SLIT3: variants seen among roughly 807,000 people sequenced by gnomAD.
SLIT3 encodes the protein slit guidance ligand 3.
Under a neutral mutation model 184.0 loss-of-function variants are expected in SLIT3, and 68 were observed. The observed-to-expected ratio is 0.37, with a 90% confidence interval of 0.30 to 0.45. The LOEUF is 0.45. Ranked by LOEUF, SLIT3 falls within the 20% of genes least tolerant of loss-of-function variation. The pLI is 1.00. For missense variants in SLIT3, 1,707 were observed against 2,026.0 expected, an observed-to-expected ratio of 0.84 and a Z score of 3.02; for synonymous variants, 831 against 828.6, an observed-to-expected ratio of 1.00 and a Z score of -0.05.
At chr5:169,179,463 T>A (rs1251623800) in intron 4 of SLIT3, among the ~76,000 whole-genome samples, 2 of 152,154 alleles carry the variant, frequency 1.3e-5, no homozygotes, top group Middle Eastern at 3.2e-3. Flanking sequence ...TCCATTTCAC[T>A]GTATCACAGA....
intron 4 of SLIT3, among the ~76,000 whole-genome samples, chr5:169,128,273 T>TA: frequency 1.4e-5 from 2 of 147,916 alleles, no homozygotes; most frequent in South Asian, 4.2e-4. Flanking sequence ...CATATATATA[T>TA]TTATATATAT....
At chr5:168,673,083 C>G in intron 33 of SLIT3, 94 bp downstream of exon 33, 1 of 1,229,872 alleles carries the variant, frequency 8.1e-7, no homozygotes, top group Non-Finnish European at 1.2e-6. Context: ...CTCCAGGAAG[C>G]CTTCCCTGAT....
intron 4 of SLIT3, among the ~76,000 whole-genome samples, chr5:168,919,089 T>C (rs751579667): frequency 1.3e-5 from 2 of 151,924 alleles, no homozygotes; most frequent in Non-Finnish European, 2.9e-5. Flanking sequence ...TGAAACCCCA[T>C]GTCTACTAAA....
At chr5:168,740,530 T>G (rs191790009) in intron 20 of SLIT3, among the ~76,000 whole-genome samples, 1 of 152,222 alleles carries the variant, frequency 6.6e-6, no homozygotes, top group Admixed American at 6.5e-5. Flanking sequence ...AAAGCTTGCA[T>G]TGGAAACCCT....
In SLIT3 at chr5:168,690,825, C is replaced by T. The variant is rs1392370604; in HGVS notation, c.3176+1782G>A. Among the ~76,000 whole-genome samples the T allele has an allele frequency of 2.0e-5, 3 of 152,056 alleles. No individual in the cohort carries two copies. The East Asian group carries it at 5.8e-4, about 29-fold the overall frequency. On this transcript the variant is annotated intron_variant, in intron 29 of 35. Coordinates refer to ENST00000519560, the MANE Select transcript of SLIT3 (RefSeq NM_003062.4). Reference sequence around the variant, plus strand: ...AGCAACCAGAGCCTCTTGGCATTTCCCCTGGTGATGAGATCTAGGCTTGTG... The same window carrying T: ...AGCAACCAGAGCCTCTTGGCATTTCTCCTGGTGATGAGATCTAGGCTTGTG...
intron 4 of SLIT3, among the ~76,000 whole-genome samples, chr5:169,044,411 A>G (rs1035720098): frequency 6.6e-6 from 1 of 152,246 alleles, no homozygotes; most frequent in Non-Finnish European, 1.5e-5. Flanking sequence ...AGCCATAAAA[A>G]GAAATGAAGT....
At chr5:168,944,967 G>A (rs779207031) in intron 4 of SLIT3, among the ~76,000 whole-genome samples, 28 of 152,126 alleles carry the variant, frequency 1.8e-4, no homozygotes, top group Non-Finnish European at 3.5e-4. Context: ...AAATAGAGAT[G>A]AGTATCAGGA....
At chr5:169,022,725 A>C (rs1482459873) in intron 4 of SLIT3, 3 of 152,140 alleles carry the variant, frequency 2.0e-5, no homozygotes, top group African/African-American at 4.8e-5. Context: ...AAGAAGTTTC[A>C]GGCCCCTCAT....
At chr5:168,828,881 G>A (rs1263367582) in intron 6 of SLIT3, among the ~76,000 whole-genome samples, 2 of 152,162 alleles carry the variant, frequency 1.3e-5, no homozygotes, top group Non-Finnish European at 2.9e-5. Flanking sequence ...CTTTACTTAA[G>A]TGTAGAGGGT....
chr5:169,240,579 CTTT>C (rs67955225), intron 3 of SLIT3, among the ~76,000 whole-genome samples: 28,965 of 114,352 alleles, frequency 0.25, 2,985 homozygotes, highest in East Asian at 0.42. Flanking sequence ...CTATCATTTT[CTTT>C]TTTTTTTTTT....
intron 4 of SLIT3, among the ~76,000 whole-genome samples, chr5:169,143,194 GGTGCCAGATACT>G (rs1226758133): frequency 1.3e-5 from 2 of 152,178 alleles, no homozygotes; most frequent in Non-Finnish European, 2.9e-5. Context: ...GCACCTACTA[GGTGCCAGATACT>G]GTACCATGCC....
Position 168,774,430 on chromosome 5 carries a change from G to A in SLIT3, c.1152-52C>T, listed in dbSNP as rs776063742. The stretch of plus-strand genomic sequence containing the variant: ...TTCACTAATCCTGGTAATTACCTGC[G>A]GGGCAAGGGTTGCACCTGCAGGGGA... On this transcript the variant is annotated intron_variant, in intron 12 of 35. Transcript: ENST00000519560. The A allele has an allele frequency of 1.1e-4, 165 of 1,555,200 alleles. 1 individual carries two copies. In the South Asian group the frequency reaches 1.4e-3, roughly 13 times the overall value.
At chr5:169,022,232 A>G (rs780486158) in intron 4 of SLIT3, 3 of 152,258 alleles carry the variant, frequency 2.0e-5, no homozygotes, top group Non-Finnish European at 4.4e-5. Flanking sequence ...CAAGGCAGTA[A>G]GTAAAAGGAT....
chr5:168,927,480 T>G (rs1477727494), intron 4 of SLIT3, among the ~76,000 whole-genome samples: 1 of 152,214 alleles, frequency 6.6e-6, no homozygotes, highest in East Asian at 1.9e-4. Flanking sequence ...CTAAATTACA[T>G]ACTTAAAGAT....
intron 23 of SLIT3, among the ~76,000 whole-genome samples, chr5:168,714,774 C>G (rs62377324): frequency 0.078 from 11,808 of 152,174 alleles, 710 homozygotes; most frequent in African/African-American, 0.18. Context: ...TTTCTCCTCC[C>G]CTTCTCCCTG....
At chr5:168,669,468 C>A (rs1761163024) in intron 35 of SLIT3, among the ~76,000 whole-genome samples, 1 of 152,252 alleles carries the variant, frequency 6.6e-6, no homozygotes, top group Admixed American at 6.5e-5. Context: ...GTGTAGAATG[C>A]AACCCTGAGA....
At position 168,692,758 on chromosome 5, in the gene SLIT3, GA is replaced by G. The variant is rs554286951; in HGVS notation, c.3083-59del. The stretch of plus-strand genomic sequence containing the variant: ...AGGCAGGGTAGGGATGCCCTGGCCA[GA>G]AGATCAGAGTACTAGGGGGGATATC... On this transcript the variant is annotated intron_variant, in intron 28 of 35. Coordinates refer to ENST00000519560, the MANE Select transcript of SLIT3 (RefSeq NM_003062.4). The G allele has an allele frequency of 2.5e-3, 3,030 of 1,232,510 alleles. 12 individuals carry two copies. Among genetic ancestry groups the G allele is most frequent in the Non-Finnish European group, 3.0e-3 (2,511 of 836,798 alleles). The allele number at this position is 1,232,510 out of a possible 1,614,324, so 76.3% of individuals were successfully genotyped here. A position where few individuals can be genotyped will look rare whatever the true frequency, so the allele number is the denominator to read the frequency against.
intron 4 of SLIT3, among the ~76,000 whole-genome samples, chr5:169,059,378 GCT>G (rs1477641050): frequency 2.6e-5 from 4 of 152,184 alleles, no homozygotes; most frequent in African/African-American, 9.6e-5. Context: ...ACTGTCCCAG[GCT>G]CTTTGTAAGC....
At chr5:168,733,749 A>T (rs1763351734) in intron 20 of SLIT3, among the ~76,000 whole-genome samples, 1 of 152,024 alleles carries the variant, frequency 6.6e-6, no homozygotes, top group African/African-American at 2.4e-5. Flanking sequence ...TACCTACATA[A>T]CAAACCTGTA....
Sources: allele counts gnomAD v4.1 joint callset (sites outside exome capture counted in the v4.1 genomes callset), GRCh38; gene constraint gnomAD v4.1.1; transcripts MANE v1.5; gene names NCBI Gene and HGNC (gene_info 2026-07-23, HGNC 2026-07-21).